ARFGEF1: variants seen among roughly 807,000 people sequenced by gnomAD.
ARFGEF1 encodes brefeldin A-inhibited guanine nucleotide-exchange protein 1.
In ARFGEF1, 42 loss-of-function variants were observed where a neutral mutation model predicts 231.0. That is an observed-to-expected ratio of 0.18 (90% CI 0.14 to 0.24). The LOEUF is 0.24. Ranked by LOEUF, ARFGEF1 falls within the 10% of genes least tolerant of loss-of-function variation. ARFGEF1 has a pLI of 1.00. For synonymous variants in ARFGEF1, 710 were observed against 732.3 expected, an observed-to-expected ratio of 0.97 and a Z score of 0.49; for missense variants, 1,345 against 2,192.0, an observed-to-expected ratio of 0.61 and a Z score of 7.72.
At chr8:67,268,181 A>G (rs938902994) in intron 10 of ARFGEF1, among the ~76,000 whole-genome samples, 1 of 152,208 alleles carries the variant, frequency 6.6e-6, no homozygotes, top group Non-Finnish European at 1.5e-5. Flanking sequence ...CATTTATAGT[A>G]TCTCCCCCTA....
rs183418158 is a variant in ARFGEF1 at position 67,246,967 on chromosome 8, C to T, written c.2850+4332G>A. ...GATTCTTAGTGGCTACTCTGAGCAACTACATGCCGGTAAACTGGAAAATCT... is the reference window on the plus strand; with the variant it reads ...GATTCTTAGTGGCTACTCTGAGCAATTACATGCCGGTAAACTGGAAAATCT... On this transcript the variant is annotated intron_variant, in intron 19 of 38. Coordinates refer to ENST00000262215, the MANE Select transcript of ARFGEF1 (RefSeq NM_006421.5). Among the ~76,000 whole-genome samples the T allele has an allele frequency of 3.7e-4, 55 of 150,100 alleles. 1 individual carries two copies. The East Asian group carries it at 9.1e-3, about 25-fold the overall frequency.
At chr8:67,238,631 G>T (rs1272684813) in intron 21 of ARFGEF1, 104 bp downstream of exon 21, 12 of 1,456,468 alleles carry the variant, frequency 8.2e-6, no homozygotes, top group Non-Finnish European at 1.1e-5. Context: ...TATTCGAAAT[G>T]TACTAATTTT....
chr8:67,243,662 T>C (rs924837332), intron 19 of ARFGEF1, among the ~76,000 whole-genome samples: 1 of 152,170 alleles, frequency 6.6e-6, no homozygotes, highest in African/African-American at 2.4e-5. Context: ...AAGCCCAGAC[T>C]GAGAAGACTA....
chr8:67,199,384 C>T, intron 38 of ARFGEF1: 2 of 275,968 alleles, frequency 7.2e-6, no homozygotes, highest in Non-Finnish European at 1.3e-5. Context: ...AAGCAGCAGG[C>T]AAGTGAGTAC....
At position 67,304,556 on chromosome 8, in the gene ARFGEF1, G is replaced by A. The variant is rs531767343; in HGVS notation, c.125-2090C>T. ...AAAATATATGTGTGGGCTGGGCGCA[G>A]TGGCTCACACCTATAATCCCAGCAC... On this transcript the variant is annotated intron_variant, in intron 1 of 38. Coordinates refer to ENST00000262215, the MANE Select transcript of ARFGEF1 (RefSeq NM_006421.5). 5.3e-5 allele frequency among the ~76,000 whole-genome samples: 8 copies of A among 152,328 alleles called. No homozygotes were observed. The East Asian group carries it at 1.5e-3, about 29-fold the overall frequency.
intron 1 of ARFGEF1, among the ~76,000 whole-genome samples, chr8:67,342,918 C>G (rs1359399167): frequency 6.6e-6 from 1 of 152,142 alleles, no homozygotes; most frequent in Non-Finnish European, 1.5e-5. Context: ...CCAGGTGCCC[C>G]GCGATCCTAA....
At chr8:67,305,555 C>G (rs756667529) in intron 1 of ARFGEF1, among the ~76,000 whole-genome samples, 1 of 152,144 alleles carries the variant, frequency 6.6e-6, no homozygotes, top group African/African-American at 2.4e-5. Flanking sequence ...CCATGTTGGT[C>G]AGGCTGGTCT....
At chr8:67,277,480 C>T (rs773846986) in intron 7 of ARFGEF1, 23 bp from the exon 8 acceptor site, 5 of 1,598,098 alleles carry the variant, frequency 3.1e-6, no homozygotes, top group Non-Finnish European at 4.3e-6. Flanking sequence ...GAATAAAAAC[C>T]ATGCAAATAT....
intron 34 of ARFGEF1, among the ~76,000 whole-genome samples, chr8:67,208,047 G>A (rs1448886261): frequency 3.3e-5 from 5 of 152,182 alleles, no homozygotes; most frequent in Non-Finnish European, 7.3e-5. Context: ...GGCTGAGAGT[G>A]AGAAAAGCCA....
Position 67,266,223 on chromosome 8 carries a change from T to C in ARFGEF1, c.1922-16A>G, listed in dbSNP as rs1452744809. 14 of 1,606,394 alleles carry C rather than the reference T, an allele frequency of 8.7e-6. No individual in the cohort carries two copies. The highest frequency in any genetic ancestry group is 2.2e-5 in the East Asian group (1 of 44,744). On this transcript the variant is annotated splice_polypyrimidine_tract_variant and intron_variant, in intron 13 of 38. Coordinates refer to ENST00000262215, the MANE Select transcript of ARFGEF1 (RefSeq NM_006421.5). ...TTTTCCTGACCTGAAAGAAGAAAAA[T>C]TGATAGAGTACATTATTCTATCAAA...
Position 67,291,829 on chromosome 8 carries a change from C to G in ARFGEF1, c.916+18G>C, listed in dbSNP as rs760749334. The G allele has an allele frequency of 1.2e-6, 2 of 1,610,394 alleles. No individual in the cohort carries two copies. The highest frequency in any genetic ancestry group is 1.7e-6 in the Non-Finnish European group (2 of 1,177,700). ...TTCCCTTAACACACACCCCAAACCC[C>G]CTTTTCAAGAAGATTACTTTCAGCT... On this transcript the variant is annotated intron_variant, in intron 6 of 38. Transcript: ENST00000262215.
At chr8:67,264,871 C>G (rs1804785858) in intron 14 of ARFGEF1, among the ~76,000 whole-genome samples, 2 of 152,188 alleles carry the variant, frequency 1.3e-5, no homozygotes, top group South Asian at 2.1e-4. Context: ...TTACACAGTA[C>G]TATTTTTAAA....
downstream of ARFGEF1, chr8:67,193,559 A>T (rs370606990): frequency 1.2e-6 from 2 of 1,613,820 alleles, no homozygotes; most frequent in Non-Finnish European, 1.7e-6. Context: ...ATGAGGAACG[A>T]ATGCGAAGAC....
chr8:67,225,070 A>G (rs747711531), intron 28 of ARFGEF1, 37 bp from the exon 29 acceptor site: 1 of 1,562,324 alleles, frequency 6.4e-7, no homozygotes, highest in East Asian at 2.3e-5. Flanking sequence ...AAGGCAAAAC[A>G]TAACACCCAT....
chr8:67,227,038 A>G (rs1457802342), intron 27 of ARFGEF1, 99 bp downstream of exon 27: 1 of 1,113,466 alleles, frequency 9.0e-7, no homozygotes, highest in Non-Finnish European at 1.3e-6. Flanking sequence ...TGGTAAACTT[A>G]AAGGCCATAA....
chr8:67,222,227 ATATGTATGTATG>A (rs35826179), intron 29 of ARFGEF1, among the ~76,000 whole-genome samples: 228 of 115,138 alleles, frequency 2.0e-3, no homozygotes, highest in Middle Eastern at 5.2e-3. Context: ...ATATATATGT[ATATGTATGTATG>A]TATGTATGTA....
rs117815792 is a variant in ARFGEF1 at position 67,216,170 on chromosome 8, T to G, written c.4686+420A>C. On this transcript the variant is annotated intron_variant, in intron 33 of 38. Coordinates refer to ENST00000262215, the MANE Select transcript of ARFGEF1 (RefSeq NM_006421.5). ...CATCTTCTTAAAAGAGTCAAACGCA[T>G]TGCAATGATATGAATGTTTGCATTC... Among the ~76,000 whole-genome samples, 9 of 152,294 alleles carry G rather than the reference T, an allele frequency of 5.9e-5. No individual in the cohort carries two copies. In the East Asian group the frequency reaches 9.7e-4, roughly 16 times the overall value.
At chr8:67,230,511 A>AG (rs1839520027) in intron 23 of ARFGEF1, among the ~76,000 whole-genome samples, 1 of 152,100 alleles carries the variant, frequency 6.6e-6, no homozygotes, top group African/African-American at 2.4e-5. Flanking sequence ...CAATGAATAT[A>AG]TCAGAGGTAA....
intron 6 of ARFGEF1, among the ~76,000 whole-genome samples, chr8:67,289,942 T>G (rs190120925): frequency 1.0e-3 from 154 of 152,278 alleles, no homozygotes; most frequent in African/African-American, 3.4e-3. Flanking sequence ...AAATGACTAG[T>G]GAAGGGTCAA....
Sources: allele counts gnomAD v4.1 joint callset (sites outside exome capture counted in the v4.1 genomes callset), GRCh38; gene constraint gnomAD v4.1.1; transcripts MANE v1.5; gene names NCBI Gene and HGNC (gene_info 2026-07-23, HGNC 2026-07-21).